The following EXTL3 variants were observed in gnomAD, a reference collection of about 807,000 sequenced individuals.
EXTL3 encodes exostosin-like 3.
Under a neutral mutation model 69.3 loss-of-function variants are expected in EXTL3, and 27 were observed. The ratio of observed to expected loss-of-function variants is 0.39; its 90% CI spans 0.29 to 0.54. The LOEUF is 0.54. EXTL3 is among the 20% of genes least tolerant of loss of function. The pLI is 0.69. For synonymous variants in EXTL3, 511 were observed against 499.4 expected (o/e 1.02, Z -0.31); for missense variants, 1,003 against 1,231.8 (o/e 0.81, Z 2.78).
At chr8:28,629,773 C>A (rs571512612) in intron 1 of EXTL3, among the ~76,000 whole-genome samples, 2 of 152,034 alleles carry the variant, frequency 1.3e-5, no homozygotes, top group Non-Finnish European at 2.9e-5. Flanking sequence ...TAACTTGCTC[C>A]GGCAGAGACC....
intron 1 of EXTL3, among the ~76,000 whole-genome samples, chr8:28,665,891 T>C (rs371858912): frequency 1.4e-4 from 22 of 152,270 alleles, no homozygotes; most frequent in African/African-American, 5.3e-4. Flanking sequence ...CCAGCTTTAA[T>C]GAATTATCCT....
intron 1 of EXTL3, among the ~76,000 whole-genome samples, chr8:28,665,608 C>T (rs1164900022): frequency 6.6e-6 from 1 of 151,748 alleles, no homozygotes; most frequent in Non-Finnish European, 1.5e-5. Flanking sequence ...GATGCGGTCT[C>T]ACCATGTTGC....
At position 28,623,346 on chromosome 8, in the gene EXTL3, C is replaced by T. The variant is rs1246608232; in HGVS notation, c.-53+536C>T. ...CCCAGAGGACACCACAGAATGCGGA[C>T]CCCAAAGCCAGCCGTACCTGCGAGC... On this transcript the variant is annotated intron_variant, in intron 1 of 6. Coordinates refer to the EXTL3 transcript ENST00000523149. The surrounding 1 kb of genome is among the most constrained non-coding windows in gnomAD (Gnocchi z 4.2). Among the ~76,000 whole-genome samples the T allele has an allele frequency of 6.6e-6, 1 of 152,204 alleles. No homozygotes were observed. The highest frequency in any genetic ancestry group is 1.5e-5 in the Non-Finnish European group (1 of 68,030).
In EXTL3 at chr8:28,716,114, T is replaced by G; in HGVS notation, c.55T>G (p.Cys19Gly). 1 of 1,613,494 alleles carries G rather than the reference T, an allele frequency of 6.2e-7. No homozygotes were observed. Among genetic ancestry groups the G allele is most frequent in the South Asian group, 1.1e-5 (1 of 91,086 alleles). Residue 19 changes from cysteine to glycine, a missense_variant, in exon 3 of 7, where the codon TGC becomes GGC. This residue lies in a region of EXTL3 where 742 missense variants were observed against 815.4 expected (regional missense o/e 0.91). Coordinates refer to ENST00000220562, the MANE Select transcript of EXTL3 (RefSeq NM_001440.4). The surrounding 1 kb of genome is among the most constrained non-coding windows in gnomAD (Gnocchi z 7.1). ...GGGCGCGGGGAACGGAGGTCAGACC[T>G]GCATGCTGCGCTGGTCCAACCGCAT... ...NGGAGNGGQT[C>G]MLRWSNRIRL...
chr8:28,663,713 A>G (rs1439893530), intron 1 of EXTL3, among the ~76,000 whole-genome samples: 1 of 152,046 alleles, frequency 6.6e-6, no homozygotes, highest in East Asian at 1.9e-4. Context: ...CAGCCTCCCA[A>G]AGTGCTGGAA....
At chr8:28,719,283 C>T (rs1050354240) in intron 3 of EXTL3, among the ~76,000 whole-genome samples, 1 of 152,172 alleles carries the variant, frequency 6.6e-6, no homozygotes, top group Admixed American at 6.5e-5. Flanking sequence ...TTGATCTCAG[C>T]ATTAAAGAGG....
At chr8:28,638,289 TG>T (rs2130577329) in intron 1 of EXTL3, among the ~76,000 whole-genome samples, 1 of 152,342 alleles carries the variant, frequency 6.6e-6, no homozygotes, top group South Asian at 2.1e-4. Flanking sequence ...GAGCTATTTA[TG>T]GTTGCACAAT....
intron 3 of EXTL3, among the ~76,000 whole-genome samples, chr8:28,726,299 C>G (rs1171574147): frequency 6.6e-6 from 1 of 152,124 alleles, no homozygotes; most frequent in Non-Finnish European, 1.5e-5. Context: ...GATTTTGGTG[C>G]CAGAATGGAT....
At chr8:28,683,130 C>T in intron 1 of EXTL3, among the ~76,000 whole-genome samples, 1 of 152,140 alleles carries the variant, frequency 6.6e-6, no homozygotes, top group Non-Finnish European at 1.5e-5. Context: ...TGTCTGTTTT[C>T]ATAGCAGTAC....
At chr8:28,732,413 C>T (rs1178894273) in intron 4 of EXTL3, among the ~76,000 whole-genome samples, 1 of 151,936 alleles carries the variant, frequency 6.6e-6, no homozygotes, top group Non-Finnish European at 1.5e-5. Context: ...TAATTCATAC[C>T]CCATAAAATT....
intron 1 of EXTL3, among the ~76,000 whole-genome samples, chr8:28,682,782 A>G (rs1807511740): frequency 6.6e-6 from 1 of 151,904 alleles, no homozygotes; most frequent in Non-Finnish European, 1.5e-5. Context: ...CCATTTGTCT[A>G]TTTTTGCTTT....
intron 6 of EXTL3, among the ~76,000 whole-genome samples, chr8:28,748,890 C>G (rs1415574039): frequency 6.6e-6 from 1 of 152,122 alleles, no homozygotes; most frequent in Non-Finnish European, 1.5e-5. Flanking sequence ...AGGAGGATTT[C>G]TTGAGGCCAG....
intron 3 of EXTL3, among the ~76,000 whole-genome samples, chr8:28,725,863 T>C (rs886835131): frequency 2.0e-5 from 3 of 152,162 alleles, no homozygotes; most frequent in Non-Finnish European, 4.4e-5. Context: ...TATGACACAG[T>C]CCCTCTGGTT....
intron 4 of EXTL3, among the ~76,000 whole-genome samples, chr8:28,732,437 G>T (rs1801556620): frequency 6.6e-6 from 1 of 152,008 alleles, no homozygotes; most frequent in Admixed American, 6.6e-5. Context: ...TCATTTAAGT[G>T]TACAATTCAG....
In EXTL3 at chr8:28,623,493, T is replaced by A. The variant is rs989991942; in HGVS notation, c.-53+683T>A. 1.3e-5 allele frequency among the ~76,000 whole-genome samples: 2 copies of A among 152,178 alleles called. No homozygotes were observed. The highest frequency in any genetic ancestry group is 1.5e-5 in the Non-Finnish European group (1 of 68,032). Reference sequence around the variant, plus strand: ...GAATGCTGAGTTTTGTTGGTGTTTGTCCTCAGCCTGTTTCTGGGTCACCCT... The same window carrying A: ...GAATGCTGAGTTTTGTTGGTGTTTGACCTCAGCCTGTTTCTGGGTCACCCT... On this transcript the variant is annotated intron_variant, in intron 1 of 6. Coordinates refer to the EXTL3 transcript ENST00000523149. The surrounding 1 kb of genome is among the most constrained non-coding windows in gnomAD (Gnocchi z 4.2).
At chr8:28,671,340 C>T (rs1213003455) in intron 1 of EXTL3, among the ~76,000 whole-genome samples, 3 of 129,572 alleles carry the variant, frequency 2.3e-5, no homozygotes, top group Admixed American at 1.7e-4. Context: ...GAGACCGACT[C>T]TCTCTCTGTT....
Position 28,668,865 on chromosome 8 carries a change from C to CTTTTTTTTTTTTTTTTTTTTTTTTTTTTT in EXTL3, c.-52-44576_-52-44575insTTTTTTTTTTTTTTTTTTTTTTTTTTTTT, listed in dbSNP as rs999113088. Among the ~76,000 whole-genome samples the CTTTTTTTTTTTTTTTTTTTTTTTTTTTTT allele has an allele frequency of 2.1e-5, 2 of 94,476 alleles. 1 individual carries two copies. Among genetic ancestry groups the CTTTTTTTTTTTTTTTTTTTTTTTTTTTTT allele is most frequent in the Non-Finnish European group, 3.8e-5 (2 of 51,950 alleles). The allele number at this position is 94,476 out of a possible 152,430, so 62.0% of individuals were successfully genotyped here. On this transcript the variant is annotated intron_variant, in intron 1 of 6. Transcript: ENST00000523149. ...ACCCCTGCCTCCTTTGATAGAATCTCTTTTTTTTTTTTTTTTGAGACAGAG... is the reference window on the plus strand; with the variant it reads ...ACCCCTGCCTCCTTTGATAGAATCTCTTTTTTTTTTTTTTTTTTTTTTTTTTTTTTTTTTTTTTTTTTTTTGAGACAGAG...
chr8:28,714,834 G>A (rs1011939498), intron 2 of EXTL3, among the ~76,000 whole-genome samples: 4 of 152,198 alleles, frequency 2.6e-5, no homozygotes, highest in Non-Finnish European at 4.4e-5. Flanking sequence ...GTGCATTGCC[G>A]TCTCCGTGCA....
chr8:28,716,121 T>A lies in EXTL3; in HGVS notation c.62T>A (p.Leu21Gln). 6.2e-7 allele frequency: 1 copy of A among 1,613,708 alleles called. No homozygotes were observed. The change falls in exon 3 of 7, where the codon CTG becomes CAG. Residue 21 changes from leucine to glutamine, a missense_variant. Physicochemically the swap from Leu to Gln is moderately radical, Grantham distance 113. Transcript: ENST00000220562. This position sits in a 1 kb window ranked among gnomAD's most constrained non-coding sequence, Gnocchi z 7.1. The part of the protein sequence containing the change: ...GAGNGGQTCM[L>Q]RWSNRIRLTW... ...GGGAACGGAGGTCAGACCTGCATGC[T>A]GCGCTGGTCCAACCGCATCCGCCTC... is the stretch of plus-strand genomic sequence containing the variant.
Sources: allele counts gnomAD v4.1 joint callset (sites outside exome capture counted in the v4.1 genomes callset), GRCh38; gene constraint gnomAD v4.1.1; regional missense constraint gnomAD v4.1.1; non-coding constraint Gnocchi (gnomAD v3.1); transcripts MANE v1.5; gene names NCBI Gene and HGNC (gene_info 2026-07-23, HGNC 2026-07-21).